Variants in FKBP11 observed in about 807,000 individuals in gnomAD.
FKBP11 encodes FKBP prolyl isomerase 11, also known as peptidyl-prolyl cis-trans isomerase FKBP11.
Under a neutral mutation model 24.7 loss-of-function variants are expected in FKBP11, and 21 were observed. That is an observed-to-expected ratio of 0.85 (90% confidence interval 0.60 to 1.23). The LOEUF (loss-of-function observed/expected upper bound fraction) is 1.23. FKBP11 is among the 50% of genes most tolerant of loss of function. The pLI is 0.00. For synonymous variants in FKBP11, 106 were observed against 100.6 expected, an observed-to-expected ratio of 1.05 and a Z score of -0.32; for missense variants, 245 against 248.7, an observed-to-expected ratio of 0.99 and a Z score of 0.10.
At chr12:48,928,818 C>CTTTTTTTTTTTTTTTTTTTTTTTT (rs1196484675), upstream of FKBP11, among the ~76,000 whole-genome samples, 3 of 94,234 alleles carry the variant, frequency 3.2e-5, 1 homozygote, top group African/African-American at 1.2e-4. Context: ...AAACTTCTAT[C>CTTTTTTTTTTTTTTTTTTTTTTTT]TTTTTTTTTT....
the FKBP11 span, among the ~76,000 whole-genome samples, chr12:48,932,261 A>ATATATTTTTT: frequency 3.3e-5 from 1 of 30,504 alleles, no homozygotes; most frequent in African/African-American, 1.6e-4. Context: ...ATATATATAT[A>ATATATTTTTT]TTTTTTTTTT....
upstream of FKBP11, chr12:48,931,350 G>A: frequency 1.4e-6 from 2 of 1,385,932 alleles, no homozygotes; most frequent in South Asian, 2.5e-5. Flanking sequence ...GAGGAGTGGA[G>A]TAGGAGAAGG....
chr12:48,922,029 T>C lies in FKBP11; in HGVS notation c.561A>G (p.Lys187=), dbSNP rs1939846419. The C allele has an allele frequency of 6.2e-7, 1 of 1,612,654 alleles. No homozygotes were observed. Among genetic ancestry groups the C allele is most frequent in the Admixed American group, 1.7e-5 (1 of 59,938 alleles). ...TTCGTTTCTCTTCCTTGAGCTTCTT[T>C]TTGGAGACTTTGGGTCTATTGGCCT... ...YRKANRPKVS[K]KKLKEEKRNK... The change falls in exon 6 of 6, where the codon AAA becomes AAG. Residue 187 remains lysine, a synonymous_variant. Transcript: ENST00000550765.
At chr12:48,931,128 TAA>T (rs35482677), upstream of FKBP11, among the ~76,000 whole-genome samples, 191 of 36,152 alleles carry the variant, frequency 5.3e-3, no homozygotes, top group African/African-American at 0.019. Flanking sequence ...GACTCCAGCT[TAA>T]AAAAAAAAAA....
At chr12:48,927,304 A>AC (rs577839410), upstream of FKBP11, among the ~76,000 whole-genome samples, 246 of 151,322 alleles carry the variant, frequency 1.6e-3, 2 homozygotes, top group Admixed American at 2.0e-3. Context: ...CAACCCTCCC[A>AC]CCTCAGGATA....
chr12:48,923,617 TGAG>T (rs767786679), intron 5 of FKBP11, 162 bp downstream of exon 5: 2 of 1,555,874 alleles, frequency 1.3e-6, no homozygotes, highest in Non-Finnish European at 8.7e-7. Context: ...GTTGGTGATA[TGAG>T]GAGGAAAAAG....
upstream of FKBP11, among the ~76,000 whole-genome samples, chr12:48,929,530 T>C (rs947768538): frequency 1.3e-5 from 2 of 152,188 alleles, no homozygotes; most frequent in Non-Finnish European, 2.9e-5. Context: ...AGTCCCATCA[T>C]CTGCCCACTA....
the FKBP11 span, chr12:48,938,169 T>C: frequency 8.7e-6 from 3 of 345,028 alleles, no homozygotes; most frequent in African/African-American, 4.3e-5. Context: ...CATCTAGAGA[T>C]AAATGCCATC....
intron 5 of FKBP11, chr12:48,923,423 G>A: frequency 6.6e-7 from 1 of 1,520,854 alleles, no homozygotes. Context: ...GGAAGGGGTG[G>A]GGGGTGGCTG....
chr12:48,931,849 G>A, the FKBP11 span: 3 of 186,386 alleles, frequency 1.6e-5, no homozygotes, highest in South Asian at 3.2e-4. Flanking sequence ...ATAAATTTGG[G>A]TTTAAAATTT....
chr12:48,925,028 G>GCCCCCCCCA lies in FKBP11; in HGVS notation c.195+17_195+18insTGGGGGGGG. 6.5e-7 allele frequency: 1 copy of GCCCCCCCCA among 1,538,174 alleles called. No homozygotes were observed. Among genetic ancestry groups the GCCCCCCCCA allele is most frequent in the Non-Finnish European group, 8.9e-7 (1 of 1,119,844 alleles). ...CCGCCCCCTCCCAGGCCCCGCCCCG[G>GCCCCCCCCA]CCCCCCAGACCCCTCACCGTGTAGT... On this transcript the variant is annotated intron_variant, in intron 2 of 5. Coordinates refer to ENST00000550765, the MANE Select transcript of FKBP11 (RefSeq NM_016594.3).
upstream of FKBP11, among the ~76,000 whole-genome samples, chr12:48,930,060 CA>C: frequency 6.6e-6 from 1 of 152,316 alleles, no homozygotes; most frequent in African/African-American, 2.4e-5. Context: ...GTCAAGGTTG[CA>C]ATCATGTCTG....
upstream of FKBP11, among the ~76,000 whole-genome samples, chr12:48,930,885 T>C (rs1339820794): frequency 6.6e-6 from 1 of 151,980 alleles, no homozygotes; most frequent in African/African-American, 2.4e-5. Context: ...TCCCAGCACT[T>C]TGGGAGGCCG....
Position 48,925,411 on chromosome 12 carries a change from T to A in FKBP11, c.18A>T (p.Ser6=). 1 of 1,574,776 alleles carries A rather than the reference T, an allele frequency of 6.4e-7. No individual in the cohort carries two copies. Among genetic ancestry groups the A allele is most frequent in the Non-Finnish European group, 8.6e-7 (1 of 1,161,820 alleles). MTLRP[S]LLPLHLLLLL... ...GCAGCAGCAGATGGAGCGGGAGGAG[T>A]GAGGGGCGCAGGGTCATGACTGGGC... The change falls in exon 1 of 6, where the codon TCA becomes TCT. Residue 6 remains serine (S), a synonymous_variant. Coordinates refer to ENST00000550765, the MANE Select transcript of FKBP11 (RefSeq NM_016594.3).
intron 4 of FKBP11, 79 bp from the exon 5 acceptor site, chr12:48,923,931 C>T: frequency 7.2e-7 from 1 of 1,395,858 alleles, no homozygotes; most frequent in South Asian, 1.2e-5. Context: ...GCTCCTTCAG[C>T]AAAACCCCCT....
chr12:48,932,253 ATATATATATTTTTTTTTTTTTTTT>A, the FKBP11 span, among the ~76,000 whole-genome samples: 7 of 38,472 alleles, frequency 1.8e-4, no homozygotes, highest in Admixed American at 1.0e-3. Flanking sequence ...ATATATATAT[ATATATATATTTTTTTTTTTTTTTT>A]TTTTTTTTTT....
chr12:48,938,303 C>A, the FKBP11 span: 1 of 442,074 alleles, frequency 2.3e-6, no homozygotes. Context: ...AAGACTGGGG[C>A]AGTCCGGCTT....
the FKBP11 span, among the ~76,000 whole-genome samples, chr12:48,933,407 A>G: frequency 6.6e-6 from 1 of 152,172 alleles, no homozygotes; most frequent in African/African-American, 2.4e-5. Flanking sequence ...CAGAACTGGA[A>G]AAGAAGCTTT....
upstream of FKBP11, among the ~76,000 whole-genome samples, chr12:48,929,808 G>T (rs1471885895): frequency 5.2e-4 from 79 of 152,268 alleles, 1 homozygote; most frequent in East Asian, 1.9e-3. Context: ...TCTGGCATCA[G>T]ACAAACCTAC....
Sources: allele counts gnomAD v4.1 joint callset (sites outside exome capture counted in the v4.1 genomes callset), GRCh38; gene constraint gnomAD v4.1.1; transcripts MANE v1.5; gene names NCBI Gene and HGNC (gene_info 2026-07-23, HGNC 2026-07-21).